GPR89B: variants seen among roughly 807,000 people sequenced by gnomAD.
GPR89B encodes the protein golgi pH regulator B.
Under a neutral mutation model 52.4 loss-of-function variants are expected in GPR89B, and 25 were observed. The ratio of observed to expected loss-of-function variants is 0.48; its 90% CI spans 0.35 to 0.67. The LOEUF (loss-of-function observed/expected upper bound fraction) is 0.67. Ranked by LOEUF, GPR89B falls within the 30% of genes least tolerant of loss-of-function variation. The pLI, the probability that GPR89B is intolerant of heterozygous loss-of-function variation, is 0.01. For synonymous variants in GPR89B, 52 were observed against 151.2 expected (o/e 0.34, Z 4.81); for missense variants, 146 against 450.2 (o/e 0.32, Z 6.11).
intron 2 of GPR89B, among the ~76,000 whole-genome samples, chr1:147,937,640 C>T (rs1482327674): frequency 4.6e-5 from 7 of 152,278 alleles, no homozygotes; most frequent in African/African-American, 1.4e-4. Context: ...AGTATTTCTC[C>T]TACTCGCTTT....
intron 10 of GPR89B, among the ~76,000 whole-genome samples, chr1:147,985,428 T>TGG (rs1658593447): frequency 6.6e-6 from 1 of 151,968 alleles, no homozygotes; most frequent in Non-Finnish European, 1.5e-5. Context: ...CCTCTGCCAT[T>TGG]TCATTGACAT....
At chr1:147,947,415 C>T (rs1385876608) in intron 5 of GPR89B, among the ~76,000 whole-genome samples, 3 of 149,898 alleles carry the variant, frequency 2.0e-5, no homozygotes, top group East Asian at 3.9e-4. Flanking sequence ...TGTGCTGTGT[C>T]TGAACCAACC....
the GPR89B span, chr1:148,014,915 C>G: frequency 6.6e-6 from 1 of 151,554 alleles, no homozygotes; most frequent in Admixed American, 6.6e-5. Context: ...ACCCAGTGAA[C>G]GGGTTTCAAC....
intron 5 of GPR89B, among the ~76,000 whole-genome samples, chr1:147,949,148 C>G (rs1381529339): frequency 6.6e-6 from 1 of 152,132 alleles, no homozygotes; most frequent in African/African-American, 2.4e-5. Context: ...GAAAAGTCTC[C>G]CGGGTCTACC....
At chr1:148,006,820 G>A in the GPR89B span, among the ~76,000 whole-genome samples, 11 of 151,310 alleles carry the variant, frequency 7.3e-5, no homozygotes, top group African/African-American at 2.7e-4. Flanking sequence ...CGGTTCAAGC[G>A]ATTCTTCTGC....
intron 7 of GPR89B, among the ~76,000 whole-genome samples, chr1:147,965,678 G>T (rs1182469591): frequency 1.3e-4 from 20 of 152,134 alleles, no homozygotes; most frequent in Middle Eastern, 3.4e-3. Context: ...GAAGGTGAGG[G>T]TATTGGACTT....
intron 12 of GPR89B, among the ~76,000 whole-genome samples, chr1:147,990,298 T>C (rs1325160237): frequency 5.9e-5 from 9 of 152,232 alleles, no homozygotes; most frequent in African/African-American, 2.2e-4. Flanking sequence ...TTGATGGGGT[T>C]GTTTTTTTCT....
intron 1 of GPR89B, among the ~76,000 whole-genome samples, chr1:147,929,768 A>T (rs1206555353): frequency 6.6e-6 from 1 of 150,544 alleles, no homozygotes; most frequent in Non-Finnish European, 1.5e-5. Context: ...GCCATCCATA[A>T]TCCTACCGCT....
chr1:147,945,838 C>T (rs1470526493), intron 5 of GPR89B, among the ~76,000 whole-genome samples: 7 of 151,190 alleles, frequency 4.6e-5, no homozygotes, highest in Non-Finnish European at 1.0e-4. Flanking sequence ...GATCCTCCTA[C>T]CTCAGCCTCC....
chr1:148,013,758 C>T, the GPR89B span, among the ~76,000 whole-genome samples: 1 of 151,974 alleles, frequency 6.6e-6, no homozygotes, highest in Non-Finnish European at 1.5e-5. Flanking sequence ...TCTCTGTCCT[C>T]CTGGGGTTAA....
chr1:147,957,621 C>G (rs1319481643), intron 7 of GPR89B, among the ~76,000 whole-genome samples: 1 of 151,740 alleles, frequency 6.6e-6, no homozygotes, highest in Non-Finnish European at 1.5e-5. Context: ...TATTAGTCTA[C>G]TCTCTTTATT....
intron 10 of GPR89B, among the ~76,000 whole-genome samples, chr1:147,976,472 C>CT (rs1482745170): frequency 1.8e-4 from 25 of 142,164 alleles, no homozygotes; most frequent in East Asian, 7.9e-4. Context: ...GCAACCCCTG[C>CT]TTTTTTTTGC....
In GPR89B at chr1:147,968,903, T is replaced by C. The variant is rs1657226104; in HGVS notation, c.756T>C (p.Asp252=). 40 of 1,611,712 alleles carry C rather than the reference T, an allele frequency of 2.5e-5. No individual in the cohort carries two copies. The highest frequency in any genetic ancestry group is 3.2e-5 in the Non-Finnish European group (38 of 1,178,468). Residue 252 remains aspartate (D), a synonymous_variant, in exon 9 of 14, where the codon GAT becomes GAC. Transcript: ENST00000314163. ...TTACTCTTATTCAACAGGAAGTGGA[T>C]GCTTTGGAAGAATTAAGCAGGCAGC... The part of the protein sequence containing the change: ...ENLTLIQQEV[D]ALEELSRQLF...
At chr1:148,008,590 T>C in the GPR89B span, among the ~76,000 whole-genome samples, 2 of 152,192 alleles carry the variant, frequency 1.3e-5, no homozygotes, top group African/African-American at 2.4e-5. Context: ...CAAGAAGGAA[T>C]CGACCAGCTA....
chr1:147,995,474 T>C, downstream of GPR89B: 2 of 1,119,916 alleles, frequency 1.8e-6, no homozygotes, highest in Middle Eastern at 3.0e-4. Flanking sequence ...TAGTTATCTT[T>C]ACATTGTCAT....
chr1:148,023,658 G>A, the GPR89B span, among the ~76,000 whole-genome samples: 1 of 140,326 alleles, frequency 7.1e-6, no homozygotes, highest in African/African-American at 2.8e-5. Context: ...GTATCTCATT[G>A]TAGCTTTGAC....
chr1:148,001,180 GAGCTTCAGTTT>G, the GPR89B span: 1 of 222,012 alleles, frequency 4.5e-6, no homozygotes, highest in Admixed American at 9.1e-5. Context: ...AATTTGAGTT[GAGCTTCAGTTT>G]AGCCTTAATG....
intron 5 of GPR89B, among the ~76,000 whole-genome samples, chr1:147,950,089 C>T (rs1180114038): frequency 7.3e-5 from 11 of 151,374 alleles, no homozygotes; most frequent in African/African-American, 1.5e-4. Context: ...CCCCACCTCC[C>T]TCCCGGACGG....
the GPR89B span, among the ~76,000 whole-genome samples, chr1:148,000,398 C>A: frequency 6.6e-6 from 1 of 151,868 alleles, no homozygotes; most frequent in Non-Finnish European, 1.5e-5. Context: ...AAAAAAAAGC[C>A]ATTAATCTAA....
Sources: allele counts gnomAD v4.1 joint callset (sites outside exome capture counted in the v4.1 genomes callset), GRCh38; gene constraint gnomAD v4.1.1; transcripts MANE v1.5; gene names NCBI Gene and HGNC (gene_info 2026-07-23, HGNC 2026-07-21).